The following SP100 variants were observed in gnomAD, a reference collection of about 807,000 sequenced individuals.
The protein encoded by SP100 is SP100 nuclear body protein.
SP100 carries 84 observed loss-of-function variants against 130.0 expected under a neutral mutation model. The observed-to-expected ratio is 0.65, with a 90% CI of 0.54 to 0.77. SP100 has a LOEUF of 0.77. SP100 is among the 30% of genes least tolerant of loss of function. The pLI is 0.00. For synonymous variants in SP100, 331 were observed against 351.7 expected, an observed-to-expected ratio of 0.94 and a Z score of 0.66; for missense variants, 978 against 1,052.2, an observed-to-expected ratio of 0.93 and a Z score of 0.97.
At chr2:230,515,561 A>G in intron 24 of SP100, 7 of 1,598,242 alleles carry the variant, frequency 4.4e-6, no homozygotes, top group Non-Finnish European at 6.0e-6. Flanking sequence ...AAGGCTGAAA[A>G]AAGCAAGAAA....
At chr2:230,473,776 T>C (rs186826195) in intron 16 of SP100, among the ~76,000 whole-genome samples, 30 of 152,292 alleles carry the variant, frequency 2.0e-4, no homozygotes, top group Non-Finnish European at 2.8e-4. Flanking sequence ...ATGGGCTCTC[T>C]TGGTTAGGTG....
chr2:230,447,914 T>G lies in SP100; in HGVS notation c.523+1012T>G, dbSNP rs1469702690. ...CCTCTAATCTCATGTTCAGCTCCCC[T>G]GGCAACCACACCCCAATCCTTAGGG... On this transcript the variant is annotated intron_variant, in intron 5 of 28. Coordinates refer to ENST00000340126, the MANE Select transcript of SP100 (RefSeq NM_001080391.2). Among the ~76,000 whole-genome samples, 6 of 152,322 alleles carry G rather than the reference T, an allele frequency of 3.9e-5. No individual in the cohort carries two copies. In the East Asian group the frequency reaches 1.2e-3, roughly 29 times the overall value.
At chr2:230,428,799 G>A (rs1385069201) in intron 2 of SP100, among the ~76,000 whole-genome samples, 1 of 152,154 alleles carries the variant, frequency 6.6e-6, no homozygotes, top group East Asian at 1.9e-4. Flanking sequence ...CACAAGAACA[G>A]CAAGGGGGAA....
At chr2:230,467,322 A>G in intron 13 of SP100, 107 bp downstream of exon 13, 1 of 753,576 alleles carries the variant, frequency 1.3e-6, no homozygotes. Flanking sequence ...AGTTCTCTGC[A>G]TCTACCTCAT....
At chr2:230,485,197 C>A (rs1448555691) in intron 17 of SP100, among the ~76,000 whole-genome samples, 1 of 152,016 alleles carries the variant, frequency 6.6e-6, no homozygotes, top group Non-Finnish European at 1.5e-5. Flanking sequence ...AAATGATACA[C>A]CCATCTTAGC....
At chr2:230,425,715 A>AT (rs1035972685) in intron 2 of SP100, among the ~76,000 whole-genome samples, 21 of 149,586 alleles carry the variant, frequency 1.4e-4, no homozygotes, top group South Asian at 4.2e-4. Context: ...ATGGCCTGTA[A>AT]TTTTTTTTTT....
chr2:230,445,357 T>C (rs1190437649), intron 4 of SP100, among the ~76,000 whole-genome samples: 1 of 152,138 alleles, frequency 6.6e-6, no homozygotes, highest in Non-Finnish European at 1.5e-5. Context: ...GGAATAAAAG[T>C]GTGAAAACAT....
intron 24 of SP100, among the ~76,000 whole-genome samples, chr2:230,531,132 C>A (rs963786853): frequency 1.3e-5 from 2 of 152,104 alleles, no homozygotes; most frequent in Admixed American, 6.5e-5. Context: ...ATGTTTACTG[C>A]AACACTATTC....
chr2:230,505,066 T>C (rs201077171), intron 21 of SP100, among the ~76,000 whole-genome samples: 2 of 152,192 alleles, frequency 1.3e-5, no homozygotes, highest in African/African-American at 4.8e-5. Flanking sequence ...CTGGGAATGA[T>C]AGAACTCTCC....
intron 24 of SP100, among the ~76,000 whole-genome samples, chr2:230,532,692 G>A (rs1026588827): frequency 2.6e-5 from 4 of 152,194 alleles, no homozygotes; most frequent in African/African-American, 7.2e-5. Context: ...TGTCAGTATT[G>A]TAACTGATTA....
At chr2:230,515,616 A>C in intron 24 of SP100, 13 of 1,602,166 alleles carry the variant, frequency 8.1e-6, no homozygotes, top group Non-Finnish European at 1.0e-5. Context: ...AAGAGGAGGA[A>C]AATGAAGAAG....
intron 23 of SP100, chr2:230,508,952 C>CACACACACACAT (rs1690366852): frequency 1.6e-5 from 2 of 126,984 alleles, no homozygotes; most frequent in Admixed American, 1.5e-4. Context: ...CACACATACA[C>CACACACACACAT]ACACACACAC....
chr2:230,433,143 G>GCATGC (rs1354846589), intron 2 of SP100, among the ~76,000 whole-genome samples: 4 of 152,178 alleles, frequency 2.6e-5, no homozygotes, highest in Non-Finnish European at 5.9e-5. Flanking sequence ...TTTACATTTA[G>GCATGC]AGATGCATGA....
intron 2 of SP100, chr2:230,440,510 A>G (rs1323468076): frequency 1.2e-5 from 16 of 1,308,218 alleles, no homozygotes; most frequent in Non-Finnish European, 1.6e-5. Flanking sequence ...TGAAAGATGT[A>G]CATGACTTCT....
At chr2:230,476,739 T>C (rs994838396) in intron 17 of SP100, among the ~76,000 whole-genome samples, 31 of 152,244 alleles carry the variant, frequency 2.0e-4, no homozygotes, top group African/African-American at 6.5e-4. Context: ...ATTTCAGAGC[T>C]GCTTTAATGT....
At chr2:230,483,518 T>A (rs1373587920) in intron 17 of SP100, among the ~76,000 whole-genome samples, 1 of 152,208 alleles carries the variant, frequency 6.6e-6, no homozygotes, top group African/African-American at 2.4e-5. Flanking sequence ...AGAGAAGACA[T>A]CAGAGAGTTT....
At chr2:230,417,315 T>G (rs187465618) in intron 1 of SP100, among the ~76,000 whole-genome samples, 48 of 152,358 alleles carry the variant, frequency 3.2e-4, no homozygotes, top group Admixed American at 1.8e-3. Flanking sequence ...CTTAGAGATC[T>G]TTTAACCTTA....
In SP100 at chr2:230,514,900, A is replaced by G. The variant is rs73097024; in HGVS notation, c.2094+3734A>G. 2,793 of 804,558 alleles carry G rather than the reference A, an allele frequency of 3.5e-3. 69 individuals are homozygous for G. In the African/African-American group the frequency reaches 0.044, roughly 13 times the overall value. 49.8% of individuals were successfully genotyped at this position (804,558 alleles called of 1,614,324 possible). A position where few individuals can be genotyped will look rare whatever the true frequency, so the allele number is the denominator to read the frequency against. On this transcript the variant is annotated intron_variant, in intron 24 of 28. Transcript: ENST00000340126. ...CTGTTGGGAAGGGACATTACTTAAC[A>G]CGAGGTCAAAAAACCTACAAGAGAT...
At position 230,474,495 on chromosome 2, in the gene SP100, A is replaced by G. The variant is rs201322997; in HGVS notation, c.1600+48A>G. 29 of 863,398 alleles carry G rather than the reference A, an allele frequency of 3.4e-5. No homozygotes were observed. The African/African-American group carries it at 3.8e-4, about 11-fold the overall frequency. 53.5% of individuals were successfully genotyped at this position (863,398 alleles called of 1,614,324 possible). ...TTAATTTTTATGTTACAAATGAACT[A>G]TTTTTTAATGCTAAGGTTTATTATC... On this transcript the variant is annotated intron_variant, in intron 17 of 28. Coordinates refer to ENST00000340126, the MANE Select transcript of SP100 (RefSeq NM_001080391.2).
Sources: allele counts gnomAD v4.1 joint callset (sites outside exome capture counted in the v4.1 genomes callset), GRCh38; gene constraint gnomAD v4.1.1; transcripts MANE v1.5; gene names NCBI Gene and HGNC (gene_info 2026-07-23, HGNC 2026-07-21).